PRH1: variants seen among roughly 807,000 people sequenced by gnomAD.
PRH1 encodes the protein proline rich protein HaeIII subfamily 1, also known as salivary acidic proline-rich phosphoprotein 1/2.
PRH1 carries 7 observed loss-of-function variants against 7.9 expected under a neutral mutation model. The ratio of observed to expected loss-of-function variants is 0.89; its 90% CI spans 0.50 to 1.67. PRH1 has a LOEUF of 1.67. PRH1 is among the 40% of genes most tolerant of loss of function. PRH1 has a pLI of 0.00. For synonymous variants in PRH1, 45 were observed against 80.8 expected, an observed-to-expected ratio of 0.56 and a Z score of 2.38; for missense variants, 109 against 223.6, an observed-to-expected ratio of 0.49 and a Z score of 3.27.
At chr12:10,889,294 A>C (rs1295723716) in intron 2 of PRH1, among the ~76,000 whole-genome samples, 1 of 152,198 alleles carries the variant, frequency 6.6e-6, no homozygotes, top group Non-Finnish European at 1.5e-5. Flanking sequence ...GAACATAAAC[A>C]TCTGGTAGAC....
intron 2 of PRH1, among the ~76,000 whole-genome samples, chr12:10,967,774 A>G (rs1164067099): frequency 6.6e-6 from 1 of 152,242 alleles, no homozygotes; most frequent in African/African-American, 2.4e-5. Context: ...TTACAAATAC[A>G]CCATTGTATT....
rs1993047 is a variant in PRH1 at position 11,095,776 on chromosome 12, G to C, written n.124-48588C>G. Among the ~76,000 whole-genome samples, 27 of 114,942 alleles carry C rather than the reference G, an allele frequency of 2.3e-4. 8 individuals are homozygous for C. Among genetic ancestry groups the C allele is most frequent in the Non-Finnish European group, 2.9e-4 (14 of 48,770 alleles). 75.4% of individuals were successfully genotyped at this position (114,942 alleles called of 152,430 possible). A position where few individuals can be genotyped will look rare whatever the true frequency, so the allele number is the denominator to read the frequency against. On this transcript the variant is annotated intron_variant and non_coding_transcript_variant, in intron 1 of 4. Coordinates refer to the PRH1 transcript ENST00000541977. The stretch of plus-strand genomic sequence containing the variant: ...CATGATCCTACCACTGAACTCCAGC[G>C]TGGACAACAGAGTGAGAATCCAACT...
intron 2 of PRH1, among the ~76,000 whole-genome samples, chr12:10,923,276 C>G (rs1950077715): frequency 6.6e-6 from 1 of 151,992 alleles, no homozygotes; most frequent in Admixed American, 6.5e-5. Flanking sequence ...CAGGCACACG[C>G]CACCATGCAC....
chr12:10,997,833 C>G, intron 1 of PRH1: 1 of 1,610,720 alleles, frequency 6.2e-7, no homozygotes, highest in Non-Finnish European at 8.5e-7. Flanking sequence ...ATAAATGCAA[C>G]CACTACTAGA....
intron 2 of PRH1, among the ~76,000 whole-genome samples, chr12:10,916,211 C>T (rs1949970568): frequency 1.3e-5 from 2 of 152,072 alleles, no homozygotes; most frequent in Non-Finnish European, 2.9e-5. Context: ...ATCATAAGAA[C>T]AACATGGGAA....
rs536777611 is a variant in PRH1, at chr12:11,053,006, G to C, written n.124-5818C>G. Among the ~76,000 whole-genome samples, 15 of 152,370 alleles carry C rather than the reference G, an allele frequency of 9.8e-5. No homozygotes were observed. The South Asian group carries it at 2.5e-3, about 25-fold the overall frequency. ...TTCCCAACACTTTAGTCAGAGAATA[G>C]AATAAAAGCTTTGTGTTAGAATTTA... On this transcript the variant is annotated intron_variant and non_coding_transcript_variant, in intron 1 of 4. Coordinates refer to the PRH1 transcript ENST00000541977.
chr12:10,886,427 C>T (rs1284960348), upstream of PRH1, among the ~76,000 whole-genome samples: 1 of 152,204 alleles, frequency 6.6e-6, no homozygotes, highest in Non-Finnish European at 1.5e-5. Context: ...CTCAGGCCTG[C>T]TCCCTAACCT....
rs71051557 is a variant in PRH1 at position 11,042,623 on chromosome 12, C to CTTTTTTTTTTTTT, written c.-126+4384_-126+4396dup. On this transcript the variant is annotated intron_variant, in intron 1 of 3. Coordinates refer to the PRH1 transcript ENST00000539853. ...AAGAGGGACTACTTCCAGGCTCATT[C>CTTTTTTTTTTTTT]TTTTTTTTTTTTTTTTTTTTTTTTG... 1.8e-3 allele frequency among the ~76,000 whole-genome samples: 143 copies of CTTTTTTTTTTTTT among 79,298 alleles called. 19 individuals carry two copies. Among genetic ancestry groups the CTTTTTTTTTTTTT allele is most frequent in the Middle Eastern group, 0.01 (1 of 98 alleles). 52.0% of individuals were successfully genotyped at this position (79,298 alleles called of 152,430 possible).
At chr12:10,934,753 G>A (rs980572573) in intron 2 of PRH1, among the ~76,000 whole-genome samples, 2 of 152,188 alleles carry the variant, frequency 1.3e-5, no homozygotes, top group African/African-American at 4.8e-5. Context: ...GATACTGTAT[G>A]TTCTTAACAT....
chr12:11,131,425 A>C (rs761202197), intron 1 of PRH1, among the ~76,000 whole-genome samples: 4 of 152,198 alleles, frequency 2.6e-5, no homozygotes, highest in Non-Finnish European at 4.4e-5. Flanking sequence ...CTTCCATATA[A>C]ATGTCATCAC....
intron 1 of PRH1, among the ~76,000 whole-genome samples, chr12:11,040,358 T>C (rs867589508): frequency 6.6e-6 from 1 of 152,232 alleles, no homozygotes; most frequent in Admixed American, 6.5e-5. Flanking sequence ...CTTCATCTTA[T>C]AACTACTCTG....
chr12:11,031,975 C>G (rs1465037586), intron 1 of PRH1, among the ~76,000 whole-genome samples: 2 of 152,124 alleles, frequency 1.3e-5, no homozygotes, highest in African/African-American at 2.4e-5. Context: ...TTGTTGTGAC[C>G]AGTGTCAAGC....
At chr12:10,911,756 C>A (rs1307582851) in intron 2 of PRH1, among the ~76,000 whole-genome samples, 1 of 152,048 alleles carries the variant, frequency 6.6e-6, no homozygotes, top group Non-Finnish European at 1.5e-5. Flanking sequence ...ATTATTGTTA[C>A]ATATAACAAA....
chr12:11,168,299 AGAAGGAAG>A lies in PRH1; in HGVS notation n.39+3115_39+3122del, dbSNP rs1411750333. Among the ~76,000 whole-genome samples the A allele has an allele frequency of 2.2e-3, 13 of 5,888 alleles. 5 individuals carry two copies. Among genetic ancestry groups the A allele is most frequent in the South Asian group, 0.011 (2 of 182 alleles). 3.9% of individuals were successfully genotyped at this position (5,888 alleles called of 152,430 possible). On this transcript the variant is annotated intron_variant and non_coding_transcript_variant, in intron 1 of 1. Coordinates refer to the PRH1 transcript ENST00000541175. ...AAGAAAGAAAGAAAGAAAGAAAGAA[AGAAGGAAG>A]GAAGGAAGGAAGGAAGGAAGGAAGG... is the stretch of plus-strand genomic sequence containing the variant.
intron 1 of PRH1, among the ~76,000 whole-genome samples, chr12:10,984,581 A>G (rs1000865227): frequency 1.1e-4 from 16 of 152,244 alleles, no homozygotes; most frequent in Admixed American, 9.2e-4. Context: ...AGCAAGATCT[A>G]TATGATCTCT....
intron 2 of PRH1, among the ~76,000 whole-genome samples, chr12:10,896,371 T>C (rs149871759): frequency 1.4e-4 from 22 of 152,336 alleles, no homozygotes; most frequent in Middle Eastern, 6.8e-3. Context: ...ATTTCTTCAT[T>C]ATCAACCTCA....
In PRH1 at chr12:11,168,252, GA is replaced by G. The variant is rs1188364035; in HGVS notation, n.39+3169del. 1.5e-3 allele frequency among the ~76,000 whole-genome samples: 40 copies of G among 26,740 alleles called. 7 individuals carry two copies. The highest frequency in any genetic ancestry group is 3.9e-3 in the African/African-American group (37 of 9,388). 17.5% of individuals were successfully genotyped at this position (26,740 alleles called of 152,430 possible). A position where few individuals can be genotyped will look rare whatever the true frequency, so the allele number is the denominator to read the frequency against. ...AGAAAGAAAGAAAGAAAGAAAGAAAGAAAGAAAGAAAGAAAGAAAGAAAGAA... is the reference window on the plus strand; with the variant it reads ...AGAAAGAAAGAAAGAAAGAAAGAAAGAAGAAAGAAAGAAAGAAAGAAAGAA... On this transcript the variant is annotated intron_variant and non_coding_transcript_variant, in intron 1 of 1. Transcript: ENST00000541175.
chr12:10,969,742 C>A (rs1231106199), intron 2 of PRH1, among the ~76,000 whole-genome samples: 1 of 152,048 alleles, frequency 6.6e-6, no homozygotes, highest in Non-Finnish European at 1.5e-5. Context: ...CATTAGCAAG[C>A]CAAATTCTTT....
chr12:11,122,498 A>G (rs921977686), intron 1 of PRH1, among the ~76,000 whole-genome samples: 21 of 152,396 alleles, frequency 1.4e-4, no homozygotes, highest in Non-Finnish European at 5.9e-5. Context: ...AAATATGTCC[A>G]CACTTGTTGT....
Sources: gnomAD v4.1 joint callset for allele counts (sites outside exome capture counted in the v4.1 genomes callset) on GRCh38, gnomAD v4.1.1 for gene constraint, MANE v1.5 for transcripts, NCBI Gene and HGNC (gene_info 2026-07-23, HGNC 2026-07-21) for gene names.